The following GRID2 variants were observed in gnomAD, a reference collection of about 807,000 sequenced individuals.
GRID2 encodes the protein glutamate ionotropic receptor delta type subunit 2, also known as glutamate receptor ionotropic, delta-2.
Under a neutral mutation model 114.8 loss-of-function variants are expected in GRID2, and 33 were observed. The ratio of observed to expected loss-of-function variants is 0.29; its 90% CI spans 0.22 to 0.38. The LOEUF is 0.38. Ranked by LOEUF, GRID2 falls within the 10% of genes least tolerant of loss-of-function variation. GRID2 has a pLI of 1.00. For synonymous variants in GRID2, 505 were observed against 449.9 expected, an observed-to-expected ratio of 1.12 and a Z score of -1.55; for missense variants, 1,184 against 1,257.7, an observed-to-expected ratio of 0.94 and a Z score of 0.89.
intron 12 of GRID2, among the ~76,000 whole-genome samples, chr4:93,502,116 T>C (rs575294669): frequency 6.6e-6 from 1 of 152,008 alleles, no homozygotes; most frequent in African/African-American, 2.4e-5. Flanking sequence ...GTGGGAAGAG[T>C]AGTGATGAAA....
intron 5 of GRID2, among the ~76,000 whole-genome samples, chr4:93,215,173 A>G (rs1744049083): frequency 6.6e-6 from 1 of 151,940 alleles, no homozygotes; most frequent in African/African-American, 2.4e-5. Flanking sequence ...AGTGGTGTAG[A>G]TAGAGATGCT....
rs1325133415 is a variant in GRID2 at position 93,774,307 on chromosome 4, T to C, written c.*1809T>C. On this transcript the variant is annotated 3_prime_UTR_variant, in exon 16 of 16. Transcript: ENST00000282020. ...TTGTTTTCCCTTGTAACATTCATGA[T>C]CTCATTTACAACTCTGATTTTAAAA... 1 of 152,052 alleles carries C rather than the reference T, an allele frequency of 6.6e-6. No individual in the cohort carries two copies. Among genetic ancestry groups the C allele is most frequent in the African/African-American group, 2.4e-5 (1 of 41,430 alleles). The allele number at this position is 152,052 out of a possible 1,614,324, so 9.4% of individuals were successfully genotyped here.
intron 8 of GRID2, among the ~76,000 whole-genome samples, chr4:93,273,416 T>G (rs1049825776): frequency 4.6e-5 from 7 of 152,052 alleles, no homozygotes; most frequent in African/African-American, 1.7e-4. Context: ...CTCCCCTCAT[T>G]TTTCAACTAC....
intron 2 of GRID2, among the ~76,000 whole-genome samples, chr4:92,841,425 C>G (rs1742885492): frequency 2.0e-5 from 3 of 152,008 alleles, no homozygotes; most frequent in Admixed American, 2.0e-4. Flanking sequence ...ATTTGAGGAG[C>G]TATTTATGTC....
At position 93,208,376 on chromosome 4, in the gene GRID2, A is replaced by G. The variant is rs145654308; in HGVS notation, c.789+919A>G. ...ATTCATTTGGACAAGTATAATAACA[A>G]TTACTTTGCATGTTCATAATAAAAG... is the stretch of plus-strand genomic sequence containing the variant. On this transcript the variant is annotated intron_variant, in intron 5 of 15. Coordinates refer to ENST00000282020, the MANE Select transcript of GRID2 (RefSeq NM_001510.4). Among the ~76,000 whole-genome samples the G allele has an allele frequency of 6.6e-4, 101 of 152,024 alleles. 1 individual carries two copies. The highest frequency in any genetic ancestry group is 2.0e-3 in the African/African-American group (84 of 41,536).
chr4:92,592,973 C>A (rs1295943522), intron 2 of GRID2, among the ~76,000 whole-genome samples: 1 of 152,106 alleles, frequency 6.6e-6, no homozygotes, highest in Admixed American at 6.6e-5. Context: ...AGATAGTCAA[C>A]TTTCTCTCAC....
At chr4:93,740,254 G>A (rs978351959) in intron 14 of GRID2, among the ~76,000 whole-genome samples, 7 of 152,130 alleles carry the variant, frequency 4.6e-5, no homozygotes, top group Admixed American at 2.0e-4. Flanking sequence ...CTAGGTTTGT[G>A]TTAAGTTTAC....
chr4:92,973,073 G>A (rs902818323), intron 2 of GRID2, among the ~76,000 whole-genome samples: 6 of 152,082 alleles, frequency 3.9e-5, no homozygotes, highest in African/African-American at 1.2e-4. Context: ...GAACATATGC[G>A]TGGATGTGTC....
At chr4:93,744,804 G>T (rs950540574) in intron 14 of GRID2, among the ~76,000 whole-genome samples, 3 of 152,082 alleles carry the variant, frequency 2.0e-5, no homozygotes, top group African/African-American at 4.8e-5. Flanking sequence ...TTTGTGAAAG[G>T]AATAAGAATT....
chr4:92,779,587 T>C (rs188088227), intron 2 of GRID2, among the ~76,000 whole-genome samples: 80 of 152,244 alleles, frequency 5.3e-4, no homozygotes, highest in African/African-American at 1.9e-3. Flanking sequence ...TCCTTAGTTA[T>C]GGCTTCCATC....
intron 1 of GRID2, among the ~76,000 whole-genome samples, chr4:92,411,376 G>A (rs1480158483): frequency 6.6e-5 from 10 of 151,848 alleles, no homozygotes; most frequent in Admixed American, 6.6e-4. Context: ...GTCTTTCTGT[G>A]CAATGACTGG....
At chr4:92,901,724 G>T (rs960301353) in intron 2 of GRID2, among the ~76,000 whole-genome samples, 1 of 151,926 alleles carries the variant, frequency 6.6e-6, no homozygotes, top group Non-Finnish European at 1.5e-5. Flanking sequence ...CTTGATCATG[G>T]TGTATTTTAT....
chr4:93,040,787 T>A (rs1474622368), intron 2 of GRID2, among the ~76,000 whole-genome samples: 2 of 151,950 alleles, frequency 1.3e-5, no homozygotes, highest in East Asian at 1.9e-4. Context: ...CAATAACTCA[T>A]CTCCTTTTAG....
chr4:93,660,568 C>T (rs75866492), intron 14 of GRID2, among the ~76,000 whole-genome samples: 1,670 of 150,056 alleles, frequency 0.011, 24 homozygotes, highest in African/African-American at 0.039. Context: ...GCGTATCTGC[C>T]TCCCTCCCCC....
At chr4:93,597,337 T>C (rs1739209226) in intron 13 of GRID2, among the ~76,000 whole-genome samples, 1 of 152,184 alleles carries the variant, frequency 6.6e-6, no homozygotes, top group Non-Finnish European at 1.5e-5. Flanking sequence ...CTACTTGTAG[T>C]TTTTATGTGT....
chr4:92,553,779 T>TA (rs1247772090), intron 1 of GRID2, among the ~76,000 whole-genome samples: 1 of 152,140 alleles, frequency 6.6e-6, no homozygotes, highest in African/African-American at 2.4e-5. Flanking sequence ...GCCTCCCAAG[T>TA]AGCTGGGACT....
intron 1 of GRID2, among the ~76,000 whole-genome samples, chr4:92,536,410 C>A (rs767483249): frequency 6.6e-6 from 1 of 152,130 alleles, no homozygotes; most frequent in Non-Finnish European, 1.5e-5. Flanking sequence ...GAAACCCAGC[C>A]GGCTTCACCT....
intron 1 of GRID2, among the ~76,000 whole-genome samples, chr4:92,397,733 A>G (rs1219638861): frequency 1.3e-5 from 2 of 152,166 alleles, no homozygotes; most frequent in African/African-American, 4.8e-5. Flanking sequence ...AAATGTTACA[A>G]TAGCAACCCA....
intron 14 of GRID2, among the ~76,000 whole-genome samples, chr4:93,758,689 C>A (rs1732963007): frequency 5.9e-5 from 9 of 152,216 alleles, no homozygotes; most frequent in Middle Eastern, 6.8e-3. Context: ...GGTTAATTGT[C>A]AGACTCAAGG....
Sources: gnomAD v4.1 joint callset for allele counts (sites outside exome capture counted in the v4.1 genomes callset) on GRCh38, gnomAD v4.1.1 for gene constraint, MANE v1.5 for transcripts, NCBI Gene and HGNC (gene_info 2026-07-23, HGNC 2026-07-21) for gene names.